Variants in SV2C observed in about 807,000 individuals in gnomAD.
SV2C encodes synaptic vesicle glycoprotein 2C, also known as solute carrier family 22 member B3.
Under a neutral mutation model 79.7 loss-of-function variants are expected in SV2C, and 49 were observed. The observed-to-expected ratio is 0.61, with a 90% confidence interval of 0.49 to 0.78. SV2C has a LOEUF of 0.78. Among genes scored for constraint, SV2C ranks in the 30% least tolerant of loss-of-function variants. The pLI is 0.00. For synonymous variants in SV2C, 334 were observed against 333.2 expected (o/e 1.00, Z -0.03); for missense variants, 833 against 912.9 (o/e 0.91, Z 1.13).
chr5:75,996,758 A>G, the SV2C span, among the ~76,000 whole-genome samples: 3 of 151,444 alleles, frequency 2.0e-5, no homozygotes, highest in Non-Finnish European at 4.4e-5. Context: ...TGTGAATGGG[A>G]GTTCGCTCAT....
At chr5:75,999,839 C>T in the SV2C span, among the ~76,000 whole-genome samples, 2 of 151,998 alleles carry the variant, frequency 1.3e-5, no homozygotes, top group African/African-American at 4.8e-5. Context: ...TAAGATGGTG[C>T]CTTATTGTTG....
At chr5:76,253,806 CT>C (rs1233095723) in intron 4 of SV2C, among the ~76,000 whole-genome samples, 1 of 151,436 alleles carries the variant, frequency 6.6e-6, no homozygotes, top group Non-Finnish European at 1.5e-5. Flanking sequence ...GAGTCAAAAT[CT>C]TTTAGCTTTA....
rs924333010 is a variant in SV2C at position 76,331,738 on chromosome 5, A to G, written c.*6191A>G. 6.6e-6 allele frequency: 1 copy of G among 152,326 alleles called. No individual in the cohort carries two copies. The highest frequency in any genetic ancestry group is 2.4e-5 in the African/African-American group (1 of 41,422). The allele number at this position is 152,326 out of a possible 1,614,324, so 9.4% of individuals were successfully genotyped here. ...CTAGCAGTGTACAAAAGCAAGGCCAAGCTTTCCTGGGGCACTTGGGATGAA... is the reference window on the plus strand; with the variant it reads ...CTAGCAGTGTACAAAAGCAAGGCCAGGCTTTCCTGGGGCACTTGGGATGAA... On this transcript the variant is annotated 3_prime_UTR_variant, in exon 13 of 13. Coordinates refer to ENST00000502798, the MANE Select transcript of SV2C (RefSeq NM_014979.4).
intron 3 of SV2C, among the ~76,000 whole-genome samples, chr5:76,201,400 C>G (rs571191946): frequency 6.6e-6 from 1 of 152,180 alleles, no homozygotes; most frequent in Non-Finnish European, 1.5e-5. Context: ...CACTGAGGGC[C>G]TGGCACTGCT....
In SV2C at chr5:76,301,381, G is replaced by T. The variant is rs764236291; in HGVS notation, c.1841-5G>T. 1.2e-6 allele frequency: 2 copies of T among 1,613,688 alleles called. No homozygotes were observed. The highest frequency in any genetic ancestry group is 2.7e-5 in the African/African-American group (2 of 75,006). Reference sequence around the variant, plus strand: ...ATTCCAGCCTTTTGTCTGCATTGTTGGCAGGTGGCTCTATGGTGCTTTCGG... The same window carrying T: ...ATTCCAGCCTTTTGTCTGCATTGTTTGCAGGTGGCTCTATGGTGCTTTCGG... On this transcript the variant is annotated splice_region_variant and splice_polypyrimidine_tract_variant and intron_variant, in intron 11 of 12. Coordinates refer to ENST00000502798, the MANE Select transcript of SV2C (RefSeq NM_014979.4).
the SV2C span, among the ~76,000 whole-genome samples, chr5:76,052,026 C>T: frequency 1.6e-4 from 25 of 152,038 alleles, no homozygotes; most frequent in Non-Finnish European, 2.9e-5. Context: ...GCATGTGGAG[C>T]CTGCATGTTA....
chr5:75,885,869 G>A, the SV2C span, among the ~76,000 whole-genome samples: 8 of 152,126 alleles, frequency 5.3e-5, no homozygotes, highest in Admixed American at 1.3e-4. Context: ...AAATCAATGG[G>A]AAATGCTCTT....
intron 2 of SV2C, among the ~76,000 whole-genome samples, chr5:76,180,776 GAGC>G (rs975696307): frequency 7.2e-5 from 11 of 152,112 alleles, no homozygotes; most frequent in African/African-American, 2.7e-4. Context: ...GGACACTGTT[GAGC>G]AGCCTTTCCT....
At chr5:76,117,272 T>C (rs1748298284) in intron 1 of SV2C, among the ~76,000 whole-genome samples, 1 of 152,220 alleles carries the variant, frequency 6.6e-6, no homozygotes, top group South Asian at 2.1e-4. Flanking sequence ...TTTAAATGTA[T>C]ATTTTCTATA....
At chr5:76,200,696 G>A (rs569637986) in intron 3 of SV2C, among the ~76,000 whole-genome samples, 1 of 152,280 alleles carries the variant, frequency 6.6e-6, no homozygotes, top group East Asian at 1.9e-4. Flanking sequence ...CTGGAATGCA[G>A]TGGTGCGATC....
chr5:76,198,130 A>G (rs140097732), intron 3 of SV2C, among the ~76,000 whole-genome samples: 12 of 152,290 alleles, frequency 7.9e-5, no homozygotes, highest in African/African-American at 2.9e-4. Context: ...ACCAATTTGC[A>G]TGCCCATCTC....
At chr5:76,125,648 T>G (rs1431682125) in intron 1 of SV2C, among the ~76,000 whole-genome samples, 1 of 152,160 alleles carries the variant, frequency 6.6e-6, no homozygotes, top group East Asian at 1.9e-4. Context: ...GTCAGAGTAC[T>G]TTATAGGACC....
the SV2C span, among the ~76,000 whole-genome samples, chr5:75,931,977 G>A: frequency 6.6e-6 from 1 of 152,120 alleles, no homozygotes; most frequent in African/African-American, 2.4e-5. Flanking sequence ...TTTCCAAGCT[G>A]TAGCCTCTGA....
chr5:76,148,091 A>G (rs967686231), intron 2 of SV2C, among the ~76,000 whole-genome samples: 1 of 152,198 alleles, frequency 6.6e-6, no homozygotes, highest in Non-Finnish European at 1.5e-5. Context: ...TTATGGAGTC[A>G]TTGCTTGGTT....
chr5:76,196,304 A>C (rs1358424699), intron 3 of SV2C, among the ~76,000 whole-genome samples: 2 of 152,248 alleles, frequency 1.3e-5, no homozygotes, highest in Non-Finnish European at 2.9e-5. Context: ...TCAGTAAACC[A>C]AGATGGCTGG....
chr5:75,853,327 C>T, the SV2C span, among the ~76,000 whole-genome samples: 3 of 151,922 alleles, frequency 2.0e-5, no homozygotes, highest in East Asian at 1.9e-4. Context: ...GAGGCGGAGG[C>T]GGGCGGATCA....
chr5:76,025,473 C>G, the SV2C span, among the ~76,000 whole-genome samples: 2 of 152,162 alleles, frequency 1.3e-5, no homozygotes, highest in Non-Finnish European at 2.9e-5. Context: ...TACCTAACAC[C>G]TTAAACATCA....
rs574271890 is a variant in SV2C, at chr5:76,298,781, G to A, written c.1503-13G>A. On this transcript the variant is annotated splice_polypyrimidine_tract_variant and intron_variant, in intron 9 of 12. Coordinates refer to ENST00000502798, the MANE Select transcript of SV2C (RefSeq NM_014979.4). ...GTCATTGATTGATATGAATTTTTCT[G>A]TGTGTTGGGCAGATTCATAGGGGTC... is the stretch of plus-strand genomic sequence containing the variant. 2 of 1,610,732 alleles carry A rather than the reference G, an allele frequency of 1.2e-6. No individual in the cohort carries two copies. The highest frequency in any genetic ancestry group is 1.7e-6 in the Non-Finnish European group (2 of 1,178,072).
upstream of SV2C, among the ~76,000 whole-genome samples, chr5:76,080,898 G>A (rs989007348): frequency 6.6e-6 from 1 of 152,214 alleles, no homozygotes; most frequent in African/African-American, 2.4e-5. Flanking sequence ...CAAGGGGCCT[G>A]GGGCCAAGGT....
Sources: allele counts gnomAD v4.1 joint callset (sites outside exome capture counted in the v4.1 genomes callset), GRCh38; gene constraint gnomAD v4.1.1; transcripts MANE v1.5; gene names NCBI Gene and HGNC (gene_info 2026-07-23, HGNC 2026-07-21).